Variants in CACNA1H observed in about 807,000 individuals in gnomAD.
CACNA1H encodes calcium voltage-gated channel subunit alpha1 H.
CACNA1H carries 149 observed loss-of-function variants against 192.5 expected under a neutral mutation model. That is an observed-to-expected ratio of 0.77 (90% confidence interval 0.68 to 0.89). CACNA1H has a LOEUF of 0.89. CACNA1H is among the 40% of genes least tolerant of loss of function. The pLI is 0.00. For missense variants in CACNA1H, 4,257 were observed against 3,423.5 expected (o/e 1.24, Z -6.08); for synonymous variants, 2,202 against 1,475.2 (o/e 1.49, Z -11.29).
In CACNA1H at chr16:1,204,462, C is replaced by A; in HGVS notation, c.2451+4C>A. 1 of 1,521,068 alleles carries A rather than the reference C, an allele frequency of 6.6e-7. No homozygotes were observed. Among genetic ancestry groups the A allele is most frequent in the South Asian group, 1.3e-5 (1 of 75,898 alleles). The allele number at this position is 1,521,068 out of a possible 1,614,324, so 94.2% of individuals were successfully genotyped here. ...GGGCGTGGAGTACCATGAGCAGGTG[C>A]GGGCTGGCCTGGCCACGGGGTGGGC... On this transcript the variant is annotated splice_donor_region_variant and intron_variant, in intron 10 of 34. Coordinates refer to ENST00000348261, the MANE Select transcript of CACNA1H (RefSeq NM_021098.3).
chr16:1,220,052 T>TGGTGAGAAAACCCC lies in CACNA1H; in HGVS notation c.6127_6140dup (p.Pro2048LysfsTer4). 1 of 1,428,938 alleles carries TGGTGAGAAAACCCC rather than the reference T, an allele frequency of 7.0e-7. No individual in the cohort carries two copies. The highest frequency in any genetic ancestry group is 9.2e-7 in the Non-Finnish European group (1 of 1,092,430). The allele number at this position is 1,428,938 out of a possible 1,614,324, so 88.5% of individuals were successfully genotyped here. On this transcript the variant is annotated frameshift_variant, in exon 35 of 35. Coordinates refer to ENST00000348261, the MANE Select transcript of CACNA1H (RefSeq NM_021098.3). LOFTEE classifies it low-confidence loss of function (END_TRUNC). The stretch of plus-strand genomic sequence containing the variant: ...GGGACACCCTGGATCCTGCAGAGCC[T>TGGTGAGAAAACCCC]GGTGAGAAAACCCCGGTGAGGCCGG...
At chr16:1,181,359 G>A (rs1965446200) in intron 2 of CACNA1H, among the ~76,000 whole-genome samples, 1 of 152,270 alleles carries the variant, frequency 6.6e-6, no homozygotes, top group Non-Finnish European at 1.5e-5. Context: ...GGGGACAGCT[G>A]CCGAGCCCCC....
chr16:1,175,420 G>T (rs915942282), intron 2 of CACNA1H, among the ~76,000 whole-genome samples: 1 of 152,148 alleles, frequency 6.6e-6, no homozygotes, highest in African/African-American at 2.4e-5. Context: ...CAGGAGACAG[G>T]GTCTGGGGCC....
intron 25 of CACNA1H, among the ~76,000 whole-genome samples, 181 bp from the exon 26 acceptor site, chr16:1,212,330 G>T (rs1417424357): frequency 1.3e-5 from 2 of 152,088 alleles, no homozygotes; most frequent in African/African-American, 4.8e-5. Flanking sequence ...GCCATGGCAG[G>T]AGAGGAGGAG....
chr16:1,195,425 C>G lies in CACNA1H; in HGVS notation c.412-7C>G. 1 of 1,551,464 alleles carries G rather than the reference C, an allele frequency of 6.4e-7. No individual in the cohort carries two copies. The highest frequency in any genetic ancestry group is 8.7e-7 in the Non-Finnish European group (1 of 1,147,082). On this transcript the variant is annotated splice_region_variant and splice_polypyrimidine_tract_variant and intron_variant, in intron 3 of 34. Coordinates refer to ENST00000348261, the MANE Select transcript of CACNA1H (RefSeq NM_021098.3). ...TCCACGGGCCCTCCTGATGCCTCCT[C>G]CCGCAGGCCTTTGACGCCTTCATTT...
intron 2 of CACNA1H, among the ~76,000 whole-genome samples, chr16:1,156,294 G>A (rs1017712613): frequency 4.6e-5 from 7 of 152,244 alleles, no homozygotes; most frequent in East Asian, 1.9e-4. Flanking sequence ...GGAAACGCCC[G>A]TCGGTCAGGT....
chr16:1,159,260 G>T (rs976055090), intron 2 of CACNA1H, among the ~76,000 whole-genome samples: 1 of 152,218 alleles, frequency 6.6e-6, no homozygotes, highest in Non-Finnish European at 1.5e-5. Context: ...CCCCTCGGAC[G>T]GTGGGGTGGG....
At position 1,209,263 on chromosome 16, in the gene CACNA1H, C is replaced by T. The variant is rs1273089808; in HGVS notation, c.3595C>T (p.Leu1199=). ...CACCCCACTGCGGCGGGCCGAGTCC[C>T]TGGACCCACGGCCCCTGCGGCCGGC... The part of the protein sequence containing the change: ...RATPLRRAES[L]DPRPLRPAAL... The change falls in exon 17 of 35, where the codon CTG becomes TTG. Residue 1199 remains leucine (L), a synonymous_variant. Transcript: ENST00000348261. The T allele has an allele frequency of 6.4e-7, 1 of 1,551,236 alleles. No individual in the cohort carries two copies. Among genetic ancestry groups the T allele is most frequent in the Non-Finnish European group, 8.7e-7 (1 of 1,152,216 alleles).
chr16:1,154,639 C>G (rs1483851506), intron 2 of CACNA1H, among the ~76,000 whole-genome samples: 1 of 152,100 alleles, frequency 6.6e-6, no homozygotes, highest in Non-Finnish European at 1.5e-5. Context: ...TGACTTAAGT[C>G]ATGCGCAGCT....
At chr16:1,184,959 C>T (rs118009191) in intron 2 of CACNA1H, among the ~76,000 whole-genome samples, 72 of 152,252 alleles carry the variant, frequency 4.7e-4, no homozygotes, top group East Asian at 3.7e-3. Flanking sequence ...TAGCGACCTT[C>T]GTGTTGTTGA....
In CACNA1H at chr16:1,167,924, C is replaced by T. The variant is rs1310473950; in HGVS notation, c.299+13888C>T. 2.0e-5 allele frequency among the ~76,000 whole-genome samples: 3 copies of T among 152,308 alleles called. No individual in the cohort carries two copies. Among genetic ancestry groups the T allele is most frequent in the East Asian group, 1.9e-4 (1 of 5,170 alleles). ...ACTCGCCCCACCAGTGCGTGGAGCACGTGGGGCCTCAGGAGCCAGGCCTGT... is the reference window on the plus strand; with the variant it reads ...ACTCGCCCCACCAGTGCGTGGAGCATGTGGGGCCTCAGGAGCCAGGCCTGT... On this transcript the variant is annotated intron_variant, in intron 2 of 34. Coordinates refer to ENST00000348261, the MANE Select transcript of CACNA1H (RefSeq NM_021098.3). This position sits in a 1 kb window ranked among gnomAD's most constrained non-coding sequence, Gnocchi z 4.2.
At chr16:1,201,556 G>A in intron 8 of CACNA1H, 107 bp from the exon 9 acceptor site, 2 of 1,353,938 alleles carry the variant, frequency 1.5e-6, no homozygotes, top group Non-Finnish European at 2.0e-6. Context: ...CTCGCCCACT[G>A]TGCCTGTGAC....
At chr16:1,159,125 T>C (rs1401333890) in intron 2 of CACNA1H, among the ~76,000 whole-genome samples, 1 of 151,794 alleles carries the variant, frequency 6.6e-6, no homozygotes, top group Non-Finnish European at 1.5e-5. Context: ...CCGTGCAGAG[T>C]GGGGAGAGCC....
chr16:1,154,577 C>T (rs1962048840), intron 2 of CACNA1H, among the ~76,000 whole-genome samples: 1 of 151,912 alleles, frequency 6.6e-6, no homozygotes, highest in Non-Finnish European at 1.5e-5. Flanking sequence ...TGGAGAGAGG[C>T]GGTGACGTTG....
intron 2 of CACNA1H, among the ~76,000 whole-genome samples, chr16:1,171,253 C>G (rs778321690): frequency 6.6e-6 from 1 of 152,164 alleles, no homozygotes; most frequent in Admixed American, 6.5e-5. Context: ...TCTCGGGCAG[C>G]CTGCTCTGTG....
Position 1,207,848 on chromosome 16 carries a change from C to T in CACNA1H, c.3142C>T (p.Leu1048Phe), listed in dbSNP as rs1265829737. The T allele has an allele frequency of 1.3e-6, 2 of 1,595,180 alleles. No individual in the cohort carries two copies. The highest frequency in any genetic ancestry group is 8.5e-7 in the Non-Finnish European group (1 of 1,171,308). ...FEEDFHKLRELQTTELKMCSL... is the reference protein window; with the variant it reads ...FEEDFHKLREFQTTELKMCSL... ...GGAGGACTTCCACAAGCTCAGAGAACTCCAGACCACAGGTGCGTGTGGTCG... is the reference window on the plus strand; with the variant it reads ...GGAGGACTTCCACAAGCTCAGAGAATTCCAGACCACAGGTGCGTGTGGTCG... The change falls in exon 15 of 35, where the codon CTC becomes TTC. Residue 1048 changes from leucine (L) to phenylalanine (F), a missense_variant. Leu to Phe is a conservative substitution (Grantham distance 22, BLOSUM62 0). Coordinates refer to ENST00000348261, the MANE Select transcript of CACNA1H (RefSeq NM_021098.3).
Position 1,209,313 on chromosome 16 carries a change from C to A in CACNA1H, c.3645C>A (p.Arg1215=). 6.3e-7 allele frequency: 1 copy of A among 1,597,188 alleles called. No homozygotes were observed. Among genetic ancestry groups the A allele is most frequent in the Non-Finnish European group, 8.5e-7 (1 of 1,178,786 alleles). Residue 1215 remains arginine (R), a synonymous_variant, in exon 17 of 35, where the codon CGC becomes CGA. Coordinates refer to ENST00000348261, the MANE Select transcript of CACNA1H (RefSeq NM_021098.3). ...CCGCCCTCCCGCCTACCAAGTGCCG[C>A]GATCGCGACGGGCAGGTGGTGGCCC... ...RPAALPPTKC[R]DRDGQVVALP...
At chr16:1,158,195 C>T (rs991867687) in intron 2 of CACNA1H, among the ~76,000 whole-genome samples, 1 of 152,184 alleles carries the variant, frequency 6.6e-6, no homozygotes, top group Non-Finnish European at 1.5e-5. Flanking sequence ...GGAGAGGCTG[C>T]CTCCCCACCC....
intron 2 of CACNA1H, among the ~76,000 whole-genome samples, chr16:1,155,792 A>G (rs929487472): frequency 6.6e-6 from 1 of 152,078 alleles, no homozygotes; most frequent in African/African-American, 2.4e-5. Context: ...TGCTGTGTGC[A>G]GGGAAGGTGT....
Sources: allele counts gnomAD v4.1 joint callset (sites outside exome capture counted in the v4.1 genomes callset), GRCh38; gene constraint gnomAD v4.1.1; non-coding constraint Gnocchi (gnomAD v3.1); transcripts MANE v1.5; gene names NCBI Gene and HGNC (gene_info 2026-07-23, HGNC 2026-07-21).